The following TCERG1 variants were observed in gnomAD, a reference collection of about 807,000 sequenced individuals.
TCERG1 encodes the protein transcription elongation regulator 1, also known as TATA box binding protein (TBP)-associated factor, RNA polymerase II, S, 150kD.
Under a neutral mutation model 144.7 loss-of-function variants are expected in TCERG1, and 37 were observed. That is an observed-to-expected ratio of 0.26 (90% confidence interval 0.20 to 0.34). The LOEUF (loss-of-function observed/expected upper bound fraction) is 0.34, where lower values mean the gene tolerates loss of function less well. TCERG1 is among the 10% of genes least tolerant of loss of function. The pLI is 1.00. For missense variants in TCERG1, 1,027 were observed against 1,380.7 expected (o/e 0.74, Z 4.06); for synonymous variants, 492 against 458.2 (o/e 1.07, Z -0.94).
chr5:146,499,499 A>AT (rs1342992322), intron 17 of TCERG1: 1 of 152,202 alleles, frequency 6.6e-6, no homozygotes, highest in Non-Finnish European at 1.5e-5. Context: ...AAACCTCCTA[A>AT]TTATCCGATT....
At position 146,507,351 on chromosome 5, in the gene TCERG1, A is replaced by G. The variant is rs1768098378; in HGVS notation, c.2961+144A>G. The G allele has an allele frequency of 2.7e-6, 2 of 735,646 alleles. No individual in the cohort carries two copies. The highest frequency in any genetic ancestry group is 3.6e-5 in the Admixed American group (1 of 28,108). 45.6% of individuals were successfully genotyped at this position (735,646 alleles called of 1,614,324 possible). A position where few individuals can be genotyped will look rare whatever the true frequency, so the allele number is the denominator to read the frequency against. ...CTTATGACAATTCTCTGATTTTAAA[A>G]AATTATGGTATTCTTATTTATTTAG... On this transcript the variant is annotated intron_variant, in intron 20 of 22. Coordinates refer to ENST00000679501, the MANE Select transcript of TCERG1 (RefSeq NM_001382548.1). The surrounding 1 kb of genome is among the most constrained non-coding windows in gnomAD (Gnocchi z 4.6).
At chr5:146,506,500 A>G (rs1768009437) in intron 19 of TCERG1, among the ~76,000 whole-genome samples, 1 of 152,194 alleles carries the variant, frequency 6.6e-6, no homozygotes, top group Admixed American at 6.5e-5. Flanking sequence ...GTTTGCTTAT[A>G]ATTTTTTGTG....
At chr5:146,503,572 T>A (rs1223193203) in intron 18 of TCERG1, 33 bp downstream of exon 18, 1 of 1,605,124 alleles carries the variant, frequency 6.2e-7, no homozygotes, top group Admixed American at 1.7e-5. Context: ...TTGCTTTCAT[T>A]GAATAATACA....
At chr5:146,458,436 C>T (rs1361351996) in intron 3 of TCERG1, among the ~76,000 whole-genome samples, 3 of 151,792 alleles carry the variant, frequency 2.0e-5, no homozygotes, top group African/African-American at 7.3e-5. Context: ...CTTCAGCCTC[C>T]CAAAGTGCTG....
chr5:146,506,955 A>G, intron 19 of TCERG1, 73 bp from the exon 20 acceptor site: 1 of 1,271,516 alleles, frequency 7.9e-7, no homozygotes, highest in Non-Finnish European at 1.1e-6. Flanking sequence ...ATAATGCTGC[A>G]GTGGACATGG....
chr5:146,495,762 T>C (rs905325913), intron 16 of TCERG1, among the ~76,000 whole-genome samples: 2 of 152,244 alleles, frequency 1.3e-5, no homozygotes, highest in African/African-American at 2.4e-5. Context: ...CAAGAGAATG[T>C]TTTATTTTTG....
intron 15 of TCERG1, among the ~76,000 whole-genome samples, chr5:146,491,541 T>G (rs2150706629): frequency 6.6e-6 from 1 of 152,242 alleles, no homozygotes. Context: ...GCCAATGTTT[T>G]AGGCTGGTCA....
At chr5:146,501,926 T>C (rs1767499637) in intron 17 of TCERG1, among the ~76,000 whole-genome samples, 2 of 133,264 alleles carry the variant, frequency 1.5e-5, no homozygotes, top group Non-Finnish European at 3.5e-5. Flanking sequence ...GATGGAGTTT[T>C]GCTTGTTGCC....
At chr5:146,453,045 A>AG (rs1762495664) in intron 1 of TCERG1, among the ~76,000 whole-genome samples, 1 of 152,216 alleles carries the variant, frequency 6.6e-6, no homozygotes, top group Non-Finnish European at 1.5e-5. Context: ...GCTTAGAGCA[A>AG]GCACTGCCTG....
At chr5:146,503,762 T>A in intron 18 of TCERG1, 62 bp from the exon 19 acceptor site, 1 of 1,512,328 alleles carries the variant, frequency 6.6e-7, no homozygotes, top group Non-Finnish European at 8.8e-7. Flanking sequence ...AAGCTAGTTA[T>A]TCTGTAAAAA....
intron 16 of TCERG1, among the ~76,000 whole-genome samples, chr5:146,496,848 A>G (rs1581548252): frequency 7.1e-6 from 1 of 140,646 alleles, no homozygotes; most frequent in Non-Finnish European, 1.5e-5. Context: ...AATTTTTTGT[A>G]GGGACAGAGC....
At chr5:146,479,812 T>G (rs1397599712) in intron 10 of TCERG1, 43 bp from the exon 11 acceptor site, 2 of 1,604,392 alleles carry the variant, frequency 1.2e-6, no homozygotes, top group Non-Finnish European at 1.7e-6. Flanking sequence ...TTGTGAAATA[T>G]ATGCAAATGA....
intron 2 of TCERG1, among the ~76,000 whole-genome samples, 153 bp downstream of exon 2, chr5:146,455,434 A>G (rs993000066): frequency 6.6e-6 from 1 of 152,234 alleles, no homozygotes; most frequent in African/African-American, 2.4e-5. Flanking sequence ...TTTCTTCTGA[A>G]TTAGTGGTAG....
At chr5:146,491,151 C>G (rs1766375182) in intron 15 of TCERG1, among the ~76,000 whole-genome samples, 1 of 143,968 alleles carries the variant, frequency 6.9e-6, no homozygotes, top group South Asian at 2.2e-4. Flanking sequence ...TTTGGGTACT[C>G]TTTTTTTTTT....
chr5:146,471,216 G>A (rs1485563184), intron 8 of TCERG1, among the ~76,000 whole-genome samples: 1 of 152,184 alleles, frequency 6.6e-6, no homozygotes, highest in Non-Finnish European at 1.5e-5. Flanking sequence ...TAAATGAAGA[G>A]GTATGTACTG....
chr5:146,458,469 C>G (rs918263261), intron 3 of TCERG1, among the ~76,000 whole-genome samples: 4 of 150,828 alleles, frequency 2.7e-5, no homozygotes, highest in African/African-American at 9.8e-5. Flanking sequence ...TGAGCCACCG[C>G]GCCCAGCTAT....
At chr5:146,503,624 C>A in intron 18 of TCERG1, 85 bp downstream of exon 18, 1 of 1,500,324 alleles carries the variant, frequency 6.7e-7, no homozygotes, top group Non-Finnish European at 9.0e-7. Context: ...GGGGATTTTT[C>A]TATTGGGGGT....
intron 9 of TCERG1, chr5:146,478,292 A>C: frequency 2.4e-6 from 1 of 425,124 alleles, no homozygotes; most frequent in Non-Finnish European, 3.9e-6. Context: ...TTCTCAGTTA[A>C]TATGTTGATC....
chr5:146,472,376 C>T (rs541396948), intron 9 of TCERG1, among the ~76,000 whole-genome samples: 18 of 151,952 alleles, frequency 1.2e-4, no homozygotes, highest in African/African-American at 3.6e-4. Context: ...TTTTGTGTTT[C>T]GGTGTTACAT....
Sources: allele counts gnomAD v4.1 joint callset (sites outside exome capture counted in the v4.1 genomes callset), GRCh38; gene constraint gnomAD v4.1.1; non-coding constraint Gnocchi (gnomAD v3.1); transcripts MANE v1.5; gene names NCBI Gene and HGNC (gene_info 2026-07-23, HGNC 2026-07-21).